BCL7A: variants seen among roughly 807,000 people sequenced by gnomAD.
BCL7A encodes B-cell CLL/lymphoma 7 protein family member A.
Under a neutral mutation model 28.4 loss-of-function variants are expected in BCL7A, and 11 were observed. The observed-to-expected ratio is 0.39, with a 90% CI of 0.24 to 0.64. BCL7A has a LOEUF of 0.64. BCL7A is among the 30% of genes least tolerant of loss of function. BCL7A has a pLI of 0.50. For missense variants in BCL7A, 222 were observed against 274.8 expected, an observed-to-expected ratio of 0.81 and a Z score of 1.36; for synonymous variants, 123 against 103.3, an observed-to-expected ratio of 1.19 and a Z score of -1.15.
Position 122,021,951 on chromosome 12 carries a change from T to TGTGC in BCL7A, c.-138_-137insCGTG. The TGTGC allele has an allele frequency of 1.7e-6, 1 of 588,910 alleles. No individual in the cohort carries two copies. Among genetic ancestry groups the TGTGC allele is most frequent in the Non-Finnish European group, 3.0e-6 (1 of 329,690 alleles). The allele number at this position is 588,910 out of a possible 1,614,324, so 36.5% of individuals were successfully genotyped here. A position where few individuals can be genotyped will look rare whatever the true frequency, so the allele number is the denominator to read the frequency against. On this transcript the variant is annotated 5_prime_UTR_variant, in exon 1 of 6. The change abolishes the stop of an existing upstream ORF in the 5' untranslated region. Transcript: ENST00000261822. The stretch of plus-strand genomic sequence containing the variant: ...GTGTATGTGTGTGTGTGTGTGTGTG[T>TGTGC]GTGTGTGAGTGTGTGCGTGTGAGAG...
At chr12:122,024,480 C>A (rs1224616041) in intron 1 of BCL7A, among the ~76,000 whole-genome samples, 1 of 135,462 alleles carries the variant, frequency 7.4e-6, no homozygotes, top group South Asian at 2.3e-4. Context: ...TTTTTTTTGG[C>A]CCCTTCTAAG....
At chr12:122,039,489 AAT>A (rs34251852) in intron 3 of BCL7A, among the ~76,000 whole-genome samples, 109,412 of 131,424 alleles carry the variant, frequency 0.83, 45,790 homozygotes, top group African/African-American at 0.89. Flanking sequence ...CCATCTCTTA[AAT>A]ATATATATAT....
intron 3 of BCL7A, among the ~76,000 whole-genome samples, chr12:122,043,051 A>C (rs1362433933): frequency 1.3e-5 from 2 of 150,160 alleles, no homozygotes; most frequent in African/African-American, 4.9e-5. Context: ...AAGGGAGTGG[A>C]CCACGTGTCC....
chr12:122,025,209 G>A (rs531066247), intron 1 of BCL7A, among the ~76,000 whole-genome samples: 5 of 152,202 alleles, frequency 3.3e-5, no homozygotes, highest in East Asian at 1.9e-4. Context: ...TGCAGCGTAA[G>A]CTTGGAGGCC....
intron 3 of BCL7A, among the ~76,000 whole-genome samples, chr12:122,037,117 G>A (rs762642404): frequency 1.3e-5 from 2 of 152,158 alleles, no homozygotes; most frequent in African/African-American, 2.4e-5. Flanking sequence ...GTGCTCCCTC[G>A]AGGCAAGGGC....
intron 1 of BCL7A, among the ~76,000 whole-genome samples, chr12:122,025,154 A>C (rs546786167): frequency 6.6e-6 from 1 of 152,068 alleles, no homozygotes; most frequent in African/African-American, 2.4e-5. Context: ...GTGCTGGTGG[A>C]GGAGAGAAGA....
chr12:122,038,409 G>C (rs2135848366), intron 3 of BCL7A, among the ~76,000 whole-genome samples: 1 of 124,684 alleles, frequency 8.0e-6, no homozygotes, highest in Admixed American at 1.0e-4. Context: ...TCCAGCCTGG[G>C]CAAAGGAGCG....
intron 4 of BCL7A, among the ~76,000 whole-genome samples, chr12:122,054,069 A>G (rs559343138): frequency 6.6e-6 from 1 of 152,160 alleles, no homozygotes; most frequent in East Asian, 1.9e-4. Context: ...TGCTCTGGCA[A>G]TCGGAAAAAT....
At chr12:122,054,646 C>T (rs1231206200) in intron 4 of BCL7A, among the ~76,000 whole-genome samples, 159 bp from the exon 5 acceptor site, 1 of 152,210 alleles carries the variant, frequency 6.6e-6, no homozygotes, top group Non-Finnish European at 1.5e-5. Flanking sequence ...GAAAAATCAA[C>T]AGGAGACTCC....
chr12:122,023,853 C>G (rs1736568672), intron 1 of BCL7A, among the ~76,000 whole-genome samples: 1 of 152,306 alleles, frequency 6.6e-6, no homozygotes, highest in African/African-American at 2.4e-5. Flanking sequence ...AGCCCCTGTG[C>G]AAAGAAAGAA....
chr12:122,030,792 A>T lies in BCL7A; in HGVS notation c.174+11A>T, dbSNP rs887794485. Reference sequence around the variant, plus strand: ...CCCAAGGTTGATGACGTGAGTATGGAGGGCTGGTCCCCTGGGGTGGGCCAC... The same window carrying T: ...CCCAAGGTTGATGACGTGAGTATGGTGGGCTGGTCCCCTGGGGTGGGCCAC... On this transcript the variant is annotated intron_variant, in intron 2 of 5. Transcript: ENST00000261822. 2 of 1,612,844 alleles carry T rather than the reference A, an allele frequency of 1.2e-6. No individual in the cohort carries two copies. Among genetic ancestry groups the T allele is most frequent in the Non-Finnish European group, 1.7e-6 (2 of 1,178,998 alleles).
chr12:122,032,816 T>C (rs1394214089), intron 2 of BCL7A, among the ~76,000 whole-genome samples: 2 of 152,174 alleles, frequency 1.3e-5, no homozygotes, highest in East Asian at 3.8e-4. Flanking sequence ...TCCCTCTTCA[T>C]CTGTGAGCCA....
At chr12:122,051,295 G>C (rs1389204947) in intron 4 of BCL7A, among the ~76,000 whole-genome samples, 1 of 152,122 alleles carries the variant, frequency 6.6e-6, no homozygotes, top group African/African-American at 2.4e-5. Flanking sequence ...GCTGCCCGTG[G>C]GAAGGGCACA....
At chr12:122,046,927 G>A (rs961231791) in intron 4 of BCL7A, among the ~76,000 whole-genome samples, 5 of 148,768 alleles carry the variant, frequency 3.4e-5, no homozygotes, top group South Asian at 2.1e-4. Context: ...TTTTCCAGAC[G>A]GAGTCTTGCT....
chr12:122,044,319 G>T (rs1045914936), intron 4 of BCL7A: 16 of 385,224 alleles, frequency 4.2e-5, no homozygotes, highest in Non-Finnish European at 2.3e-5. Context: ...GACCAGCCTG[G>T]GCAACATAGC....
At chr12:122,045,653 C>T (rs1013269615) in intron 4 of BCL7A, among the ~76,000 whole-genome samples, 2 of 152,034 alleles carry the variant, frequency 1.3e-5, no homozygotes, top group Non-Finnish European at 2.9e-5. Context: ...TAATACTGTC[C>T]TATATATCCA....
intron 4 of BCL7A, among the ~76,000 whole-genome samples, chr12:122,045,107 G>A (rs762250274): frequency 2.7e-4 from 41 of 152,132 alleles, no homozygotes; most frequent in Non-Finnish European, 4.6e-4. Flanking sequence ...GGCACCAGGC[G>A]CGGTGGCTCA....
At position 122,059,906 on chromosome 12, in the gene BCL7A, C is replaced by T. The variant is rs1465847843; in HGVS notation, c.*743C>T. 3 of 232,316 alleles carry T rather than the reference C, an allele frequency of 1.3e-5. No individual in the cohort carries two copies. Among genetic ancestry groups the T allele is most frequent in the East Asian group, 6.1e-5 (1 of 16,486 alleles). 14.4% of individuals were successfully genotyped at this position (232,316 alleles called of 1,614,324 possible). A position where few individuals can be genotyped will look rare whatever the true frequency, so the allele number is the denominator to read the frequency against. ...TCGCTGTGCTCTCCCCTCCTTGGGG[C>T]GTTTAGGACTGGGCGTCTCCAAGCC... is the stretch of plus-strand genomic sequence containing the variant. On this transcript the variant is annotated 3_prime_UTR_variant, in exon 6 of 6. Coordinates refer to ENST00000261822, the MANE Select transcript of BCL7A (RefSeq NM_001024808.3). The surrounding 1 kb of genome is among the most constrained non-coding windows in gnomAD (Gnocchi z 4.0).
chr12:122,044,874 A>G (rs1884039404), intron 4 of BCL7A, among the ~76,000 whole-genome samples: 2 of 152,128 alleles, frequency 1.3e-5, no homozygotes, highest in Admixed American at 1.3e-4. Context: ...AAATCAGACA[A>G]CCTAGTATTA....
Sources: allele counts gnomAD v4.1 joint callset (sites outside exome capture counted in the v4.1 genomes callset), GRCh38; gene constraint gnomAD v4.1.1; non-coding constraint Gnocchi (gnomAD v3.1); transcripts MANE v1.5; gene names NCBI Gene and HGNC (gene_info 2026-07-23, HGNC 2026-07-21).